The following AP2A1 variants were observed in gnomAD, a reference collection of about 807,000 sequenced individuals.
The protein encoded by AP2A1 is AP-2 complex subunit alpha-1.
In AP2A1, 21 loss-of-function variants were observed where a neutral mutation model predicts 107.3. The observed-to-expected ratio is 0.20, with a 90% CI of 0.14 to 0.28. The LOEUF is 0.28. Ranked by LOEUF, AP2A1 falls within the 10% of genes least tolerant of loss-of-function variation. The probability of loss-of-function intolerance (pLI) is 1.00; values close to 1 mark genes in which losing one functional copy is unlikely to be tolerated. For missense variants in AP2A1, 873 were observed against 1,307.7 expected (o/e 0.67, Z 5.13); for synonymous variants, 602 against 564.8 (o/e 1.07, Z -0.93).
At position 49,803,271 on chromosome 19, in the gene AP2A1, C is replaced by T; in HGVS notation, c.2255-16C>T. The T allele has an allele frequency of 1.2e-6, 2 of 1,613,484 alleles. No homozygotes were observed. Among genetic ancestry groups the T allele is most frequent in the South Asian group, 1.1e-5 (1 of 91,066 alleles). ...GAGGGACTCAGATGGAGCTCTGCCT[C>T]CCCCACCTACTGCAGGCCGCATGTA... is the stretch of plus-strand genomic sequence containing the variant. On this transcript the variant is annotated splice_polypyrimidine_tract_variant and intron_variant, in intron 17 of 22. Coordinates refer to ENST00000354293, the MANE Select transcript of AP2A1 (RefSeq NM_130787.3).
At chr19:49,792,264 CCT>C (rs2073154783) in intron 5 of AP2A1, among the ~76,000 whole-genome samples, 200 bp downstream of exon 5, 2 of 146,918 alleles carry the variant, frequency 1.4e-5, no homozygotes, top group Admixed American at 6.7e-5. Context: ...CCACCTCAGC[CCT>C]CACGCCCCCT....
At chr19:49,801,340 G>T in intron 12 of AP2A1, 50 bp from the exon 13 acceptor site, 1 of 1,554,262 alleles carries the variant, frequency 6.4e-7, no homozygotes. Flanking sequence ...GGGGGTTTCT[G>T]GGAGAGGGCA....
At chr19:49,771,970 A>G (rs1018051493) in intron 1 of AP2A1, among the ~76,000 whole-genome samples, 6 of 152,072 alleles carry the variant, frequency 3.9e-5, no homozygotes, top group African/African-American at 7.2e-5. Context: ...GGGCATCTCT[A>G]TCTAGTCCCA....
At chr19:49,798,986 G>C (rs2073244181) in intron 8 of AP2A1, 34 bp downstream of exon 8, 1 of 1,551,272 alleles carries the variant, frequency 6.4e-7, no homozygotes, top group South Asian at 1.2e-5. Flanking sequence ...CCTGATGCCT[G>C]GGGCCAGGAA....
rs760160279 is a variant in AP2A1, at chr19:49,806,167, G to C, written c.2704G>C (p.Glu902Gln). Residue 902 changes from glutamate to glutamine, a missense_variant, in exon 22 of 23, where the codon GAG becomes CAG. By Grantham distance (29) the Glu-to-Gln change is conservative. This residue lies in a region of AP2A1 where 416 missense variants were observed against 473.4 expected (regional missense o/e 0.88). Coordinates refer to ENST00000354293, the MANE Select transcript of AP2A1 (RefSeq NM_130787.3). Reference protein sequence around the residue: ...ALLDNVDPNPENFVGAGIIQT... With the variant: ...ALLDNVDPNPQNFVGAGIIQT... ...CCTGGACAATGTGGACCCCAACCCTGAGAACTTCGTGGGGGCGGGGATCAT... is the reference window on the plus strand; with the variant it reads ...CCTGGACAATGTGGACCCCAACCCTCAGAACTTCGTGGGGGCGGGGATCAT... 1.2e-5 allele frequency: 19 copies of C among 1,583,552 alleles called. No homozygotes were observed. Among genetic ancestry groups the C allele is most frequent in the Non-Finnish European group, 1.6e-5 (19 of 1,165,504 alleles).
intron 1 of AP2A1, among the ~76,000 whole-genome samples, chr19:49,780,472 G>C (rs1171271234): frequency 6.6e-6 from 1 of 152,166 alleles, no homozygotes; most frequent in Non-Finnish European, 1.5e-5. Flanking sequence ...TGGAGGCCAG[G>C]GGGCCTGGAT....
chr19:49,806,648 C>T, intron 22 of AP2A1, 33 bp from the exon 23 acceptor site: 1 of 1,611,828 alleles, frequency 6.2e-7, no homozygotes, highest in Non-Finnish European at 8.5e-7. Context: ...CTCCCCATCT[C>T]CTCTGAGTTC....
At position 49,767,169 on chromosome 19, in the gene AP2A1, G is replaced by C. The variant is rs754100841; in HGVS notation, c.36G>C (p.Gly12=). 1.9e-6 allele frequency: 3 copies of C among 1,611,982 alleles called. No individual in the cohort carries two copies. Among genetic ancestry groups the C allele is most frequent in the Admixed American group, 1.7e-5 (1 of 60,020 alleles). ...TGTCCAAGGGCGATGGGATGCGGGGGCTCGCGGTGTTCATCTCCGACATCC... is the reference window on the plus strand; with the variant it reads ...TGTCCAAGGGCGATGGGATGCGGGGCCTCGCGGTGTTCATCTCCGACATCC... The part of the protein sequence containing the change: ...PAVSKGDGMR[G]LAVFISDIRN... The change falls in exon 1 of 23, where the codon GGG becomes GGC. Residue 12 remains glycine, a synonymous_variant. Coordinates refer to ENST00000354293, the MANE Select transcript of AP2A1 (RefSeq NM_130787.3).
intron 1 of AP2A1, among the ~76,000 whole-genome samples, chr19:49,774,269 C>G (rs2084594695): frequency 6.6e-6 from 1 of 152,142 alleles, no homozygotes; most frequent in Non-Finnish European, 1.5e-5. Flanking sequence ...ACTGTGGGGA[C>G]TGAAGCAGCC....
In AP2A1 at chr19:49,767,183, T is replaced by A. The variant is rs1215743130; in HGVS notation, c.50T>A (p.Ile17Asn). The part of the protein sequence containing the change: ...GDGMRGLAVF[I>N]SDIRNCKSKE... ...GGGATGCGGGGGCTCGCGGTGTTCA[T>A]CTCCGACATCCGGAACTGTGAGCGC... is the stretch of plus-strand genomic sequence containing the variant. Residue 17 changes from isoleucine to asparagine, a missense_variant, in exon 1 of 23, where the codon ATC becomes AAC. Transcript: ENST00000354293. The A allele has an allele frequency of 6.2e-7, 1 of 1,611,456 alleles. No homozygotes were observed. The highest frequency in any genetic ancestry group is 8.5e-7 in the Non-Finnish European group (1 of 1,179,666).
chr19:49,794,046 G>A (rs990264957), intron 6 of AP2A1, among the ~76,000 whole-genome samples: 1 of 150,848 alleles, frequency 6.6e-6, no homozygotes, highest in Non-Finnish European at 1.5e-5. Context: ...GACTACAGGC[G>A]CCTGCCACTA....
At position 49,799,994 on chromosome 19, in the gene AP2A1, G is replaced by A. The variant is rs1383076665; in HGVS notation, c.1299G>A (p.Glu433=). The A allele has an allele frequency of 1.2e-6, 2 of 1,613,940 alleles. No individual in the cohort carries two copies. Among genetic ancestry groups the A allele is most frequent in the Non-Finnish European group, 1.7e-6 (2 of 1,179,792 alleles). ...EIVLKVAILA[E]KYAVDYSWYV... is the part of the protein sequence containing the mutation. The stretch of plus-strand genomic sequence containing the variant: ...TCCTGAAGGTGGCCATCCTGGCCGA[G>A]AAGTACGCCGTGGACTACAGCTGGT... Residue 433 remains glutamate, a synonymous_variant, in exon 11 of 23, where the codon GAG becomes GAA. Coordinates refer to ENST00000354293, the MANE Select transcript of AP2A1 (RefSeq NM_130787.3).
chr19:49,801,795 A>G lies in AP2A1; in HGVS notation c.1859A>G (p.Lys620Arg), dbSNP rs2073283679. Residue 620 changes from lysine (K) to arginine (R), a missense_variant, in exon 14 of 23, where the codon AAG becomes AGG. By Grantham distance (26) the Lys-to-Arg change is conservative. Transcript: ENST00000354293. ...ATCCTGGCCAAGCTGAAACGCAAGA[A>G]GGGGCCAGGGGCCGGCAGCGCCCTG... ...SSILAKLKRK[K>R]GPGAGSALDD... The G allele has an allele frequency of 6.4e-7, 1 of 1,559,488 alleles. No homozygotes were observed. The highest frequency in any genetic ancestry group is 8.7e-7 in the Non-Finnish European group (1 of 1,155,740).
chr19:49,806,056 G>A (rs1221942275), intron 21 of AP2A1, 63 bp from the exon 22 acceptor site: 3 of 1,602,250 alleles, frequency 1.9e-6, no homozygotes. Flanking sequence ...TTGGGATCTG[G>A]GATGCCACTG....
chr19:49,799,230 C>A (rs1264860449), intron 8 of AP2A1, 97 bp from the exon 9 acceptor site: 9 of 1,402,656 alleles, frequency 6.4e-6, no homozygotes, highest in Non-Finnish European at 8.7e-6. Flanking sequence ...AGACCTGGAT[C>A]CTTGGGGGCT....
Position 49,799,635 on chromosome 19 carries a change from C to A in AP2A1, c.1141C>A (p.Arg381=), listed in dbSNP as rs1222486293. 1 of 1,609,536 alleles carries A rather than the reference C, an allele frequency of 6.2e-7. No individual in the cohort carries two copies. Among genetic ancestry groups the A allele is most frequent in the Non-Finnish European group, 8.5e-7 (1 of 1,179,686 alleles). ...CTCTGCTCTCCGCCCTCAGACGGAGCGGGACGTCAGCGTGCGGCAGCGGGC... is the reference window on the plus strand; with the variant it reads ...CTCTGCTCTCCGCCCTCAGACGGAGAGGGACGTCAGCGTGCGGCAGCGGGC... ...DTVINALKTE[R]DVSVRQRAAD... Residue 381 remains arginine, a synonymous_variant, in exon 10 of 23, where the codon CGG becomes AGG. Transcript: ENST00000354293.
Position 49,792,871 on chromosome 19 carries a change from C to T in AP2A1, c.604-120C>T, listed in dbSNP as rs568446650. The T allele has an allele frequency of 2.1e-4, 180 of 860,134 alleles. 1 individual carries two copies. The highest frequency in any genetic ancestry group is 1.9e-3 in the Middle Eastern group (7 of 3,676). The allele number at this position is 860,134 out of a possible 1,614,324, so 53.3% of individuals were successfully genotyped here. ...AAGCACGCACAGTGACACATGTGCA[C>T]ACCCCTAAACCCCATCTTCCCGACT... is the stretch of plus-strand genomic sequence containing the variant. On this transcript the variant is annotated intron_variant, in intron 5 of 22. Coordinates refer to ENST00000354293, the MANE Select transcript of AP2A1 (RefSeq NM_130787.3).
intron 6 of AP2A1, among the ~76,000 whole-genome samples, chr19:49,793,379 G>A (rs987189187): frequency 1.3e-5 from 2 of 152,128 alleles, no homozygotes; most frequent in African/African-American, 4.8e-5. Context: ...AGGGCCTCGC[G>A]GGCCGAGCAC....
intron 1 of AP2A1, among the ~76,000 whole-genome samples, chr19:49,772,416 G>T (rs2084572273): frequency 6.6e-6 from 1 of 151,174 alleles, no homozygotes; most frequent in African/African-American, 2.4e-5. Context: ...GGGCTCAAGT[G>T]ATCTGCCTAC....
Sources: allele counts gnomAD v4.1 joint callset (sites outside exome capture counted in the v4.1 genomes callset), GRCh38; gene constraint gnomAD v4.1.1; regional missense constraint gnomAD v4.1.1; transcripts MANE v1.5; gene names NCBI Gene and HGNC (gene_info 2026-07-23, HGNC 2026-07-21).